The following CARMIL1 variants were observed in gnomAD, a reference collection of about 807,000 sequenced individuals.
The protein encoded by CARMIL1 is capping protein regulator and myosin 1 linker 1.
CARMIL1 carries 90 observed loss-of-function variants against 177.1 expected under a neutral mutation model. The ratio of observed to expected loss-of-function variants is 0.51; its 90% confidence interval spans 0.43 to 0.61. CARMIL1 has a LOEUF of 0.61. CARMIL1 is among the 20% of genes least tolerant of loss of function. CARMIL1 has a pLI of 0.00. For missense variants in CARMIL1, 1,380 were observed against 1,667.0 expected, an observed-to-expected ratio of 0.83 and a Z score of 3.00; for synonymous variants, 577 against 606.2, an observed-to-expected ratio of 0.95 and a Z score of 0.71.
At chr6:25,408,247 C>G (rs368416929) in intron 2 of CARMIL1, among the ~76,000 whole-genome samples, 5 of 149,418 alleles carry the variant, frequency 3.3e-5, no homozygotes, top group African/African-American at 1.2e-4. Context: ...GAGATTGCAC[C>G]ACTGCACTCC....
intron 32 of CARMIL1, among the ~76,000 whole-genome samples, chr6:25,598,992 A>G (rs3788992): frequency 0.21 from 32,281 of 152,214 alleles, 3,719 homozygotes; most frequent in East Asian, 0.44. Flanking sequence ...CTCACTGTGC[A>G]GGCTTTCTTG....
intron 2 of CARMIL1, among the ~76,000 whole-genome samples, chr6:25,386,017 C>T (rs991844285): frequency 6.6e-6 from 1 of 152,216 alleles, no homozygotes; most frequent in Admixed American, 6.5e-5. Context: ...TTCTTGCTTT[C>T]TCTCAACCAT....
At chr6:25,559,901 C>A (rs1365718708) in intron 29 of CARMIL1, among the ~76,000 whole-genome samples, 1 of 152,168 alleles carries the variant, frequency 6.6e-6, no homozygotes, top group African/African-American at 2.4e-5. Flanking sequence ...AATTCCATTT[C>A]AGTGCTTAAG....
At chr6:25,405,750 A>G (rs1794306028) in intron 2 of CARMIL1, among the ~76,000 whole-genome samples, 1 of 152,226 alleles carries the variant, frequency 6.6e-6, no homozygotes, top group Non-Finnish European at 1.5e-5. Context: ...TAGCTAGTAG[A>G]TCTGTTTTAA....
chr6:25,449,824 T>C (rs889385854), intron 5 of CARMIL1, 74 bp from the exon 6 acceptor site: 2 of 795,826 alleles, frequency 2.5e-6, no homozygotes, highest in Non-Finnish European at 3.9e-6. Context: ...GAAAAAGGAA[T>C]GTGACAAAAT....
At chr6:25,562,049 C>A (rs1264453265) in intron 29 of CARMIL1, among the ~76,000 whole-genome samples, 4 of 151,742 alleles carry the variant, frequency 2.6e-5, no homozygotes, top group Non-Finnish European at 4.4e-5. Flanking sequence ...ACTATTATTT[C>A]TTTCCTCAGA....
At chr6:25,348,993 A>T (rs1201113066) in intron 2 of CARMIL1, among the ~76,000 whole-genome samples, 1 of 152,144 alleles carries the variant, frequency 6.6e-6, no homozygotes, top group East Asian at 1.9e-4. Context: ...CTTTATTGTT[A>T]TGTATTTGTA....
At chr6:25,353,667 T>G (rs975937883) in intron 2 of CARMIL1, among the ~76,000 whole-genome samples, 1 of 152,176 alleles carries the variant, frequency 6.6e-6, no homozygotes, top group African/African-American at 2.4e-5. Context: ...TTTTCCAAAT[T>G]TTATTGTTAG....
chr6:25,355,088 A>G (rs1400891796), intron 2 of CARMIL1, among the ~76,000 whole-genome samples: 2 of 152,162 alleles, frequency 1.3e-5, no homozygotes, highest in African/African-American at 4.8e-5. Context: ...GCCACAGTCC[A>G]AAGGTGAGGC....
intron 29 of CARMIL1, among the ~76,000 whole-genome samples, chr6:25,579,668 A>G (rs1253421093): frequency 1.3e-5 from 2 of 152,178 alleles, no homozygotes; most frequent in Non-Finnish European, 2.9e-5. Flanking sequence ...CTTTAACAAA[A>G]CCTTGAAAAA....
intron 31 of CARMIL1, 51 bp downstream of exon 31, chr6:25,581,490 T>C (rs1813117449): frequency 6.7e-7 from 1 of 1,500,396 alleles, no homozygotes. Flanking sequence ...TTTTCTTCTC[T>C]GGGGAAAGTT....
chr6:25,432,616 C>CT (rs1796893428), intron 4 of CARMIL1, among the ~76,000 whole-genome samples: 1 of 152,054 alleles, frequency 6.6e-6, no homozygotes, highest in South Asian at 2.1e-4. Context: ...ATTTTTGCAC[C>CT]TTTTTTTGTA....
intron 2 of CARMIL1, among the ~76,000 whole-genome samples, chr6:25,309,766 CTTTTTTTTTTT>C (rs34514583): frequency 8.6e-6 from 1 of 116,908 alleles, no homozygotes; most frequent in East Asian, 2.3e-4. Flanking sequence ...TATACCACAT[CTTTTTTTTTTT>C]TTTTTTTTTG....
chr6:25,511,851 G>A (rs1037577145), intron 20 of CARMIL1, among the ~76,000 whole-genome samples: 1 of 152,134 alleles, frequency 6.6e-6, no homozygotes, highest in Admixed American at 6.5e-5. Context: ...TTTTCAATCT[G>A]TGGGCTAGAA....
At chr6:25,442,855 C>G (rs890573607) in intron 5 of CARMIL1, among the ~76,000 whole-genome samples, 1 of 152,160 alleles carries the variant, frequency 6.6e-6, no homozygotes, top group Admixed American at 6.5e-5. Context: ...TGATTGATTT[C>G]CCCTTAACCC....
intron 5 of CARMIL1, among the ~76,000 whole-genome samples, chr6:25,441,819 A>G (rs912390295): frequency 6.6e-6 from 1 of 152,142 alleles, no homozygotes; most frequent in Admixed American, 6.5e-5. Flanking sequence ...AGTTCTCTTC[A>G]GGAAGTCATT....
At chr6:25,527,514 G>T in intron 23 of CARMIL1, 1 of 305,814 alleles carries the variant, frequency 3.3e-6, no homozygotes, top group Non-Finnish European at 6.4e-6. Flanking sequence ...GAAGCTGGGT[G>T]GTGGTGTGTG....
intron 2 of CARMIL1, among the ~76,000 whole-genome samples, chr6:25,408,570 A>G (rs948762591): frequency 1.3e-5 from 2 of 152,124 alleles, no homozygotes; most frequent in Non-Finnish European, 2.9e-5. Flanking sequence ...GTGATCCCAT[A>G]TTTTACAGAT....
intron 2 of CARMIL1, among the ~76,000 whole-genome samples, chr6:25,419,676 T>TGG (rs1276826902): frequency 6.6e-6 from 1 of 152,138 alleles, no homozygotes; most frequent in Non-Finnish European, 1.5e-5. Context: ...GTACAAAGAA[T>TGG]GGAAAGCAAG....
Sources: allele counts gnomAD v4.1 joint callset (sites outside exome capture counted in the v4.1 genomes callset), GRCh38; gene constraint gnomAD v4.1.1; transcripts MANE v1.5; gene names NCBI Gene and HGNC (gene_info 2026-07-23, HGNC 2026-07-21).